Variants in ABCA3 observed in about 807,000 individuals in gnomAD.
ABCA3 encodes ATP binding cassette subfamily A member 3, also known as phospholipid-transporting ATPase ABCA3.
A neutral mutation model predicts 172.8 loss-of-function variants in ABCA3; 88 were observed. That is an observed-to-expected ratio of 0.51 (90% confidence interval 0.43 to 0.61). ABCA3 has a LOEUF of 0.61. Ranked by LOEUF, ABCA3 falls within the 20% of genes least tolerant of loss-of-function variation. The pLI, the probability that ABCA3 is intolerant of heterozygous loss-of-function variation, is 0.00. For synonymous variants in ABCA3, 1,066 were observed against 983.8 expected (o/e 1.08, Z -1.56); for missense variants, 2,164 against 2,301.0 (o/e 0.94, Z 1.22).
chr16:2,303,393 C>G (rs543045129), intron 12 of ABCA3, among the ~76,000 whole-genome samples: 1 of 151,906 alleles, frequency 6.6e-6, no homozygotes, highest in South Asian at 2.1e-4. Flanking sequence ...TCCCGAGTAG[C>G]TGGGACTACA....
chr16:2,317,902 G>GTCCGACTGTCCCAGCAGCCCT, intron 8 of ABCA3, 138 bp from the exon 9 acceptor site: 1 of 745,962 alleles, frequency 1.3e-6, no homozygotes, highest in Non-Finnish European at 2.3e-6. Flanking sequence ...ATGTCGGCCA[G>GTCCGACTGTCCCAGCAGCCCT]GCTCATCTTG....
chr16:2,322,568 C>T (rs1216719082), intron 7 of ABCA3, among the ~76,000 whole-genome samples: 2 of 128,496 alleles, frequency 1.6e-5, no homozygotes, highest in Non-Finnish European at 3.1e-5. Context: ...GTGTGATGTT[C>T]CCCTTCCTGT....
Position 2,283,688 on chromosome 16 carries a change from G to T in ABCA3, c.3863-330C>A. The T allele has an allele frequency of 2.7e-6, 1 of 364,726 alleles. No individual in the cohort carries two copies. 22.6% of individuals were successfully genotyped at this position (364,726 alleles called of 1,614,324 possible). A position where few individuals can be genotyped will look rare whatever the true frequency, so the allele number is the denominator to read the frequency against. On this transcript the variant is annotated intron_variant, in intron 25 of 32. Coordinates refer to ENST00000301732, the MANE Select transcript of ABCA3 (RefSeq NM_001089.3). This position sits in a 1 kb window ranked among gnomAD's most constrained non-coding sequence, Gnocchi z 5.4. ...CCGTTACAAGCACCGAGGGGTGTGT[G>T]GGAGGCTGAGGAGGCCCCACAGGAC... is the stretch of plus-strand genomic sequence containing the variant.
At chr16:2,333,689 CTTTT>C (rs879623326) in intron 1 of ABCA3, among the ~76,000 whole-genome samples, 4 of 138,890 alleles carry the variant, frequency 2.9e-5, no homozygotes, top group African/African-American at 5.4e-5. Flanking sequence ...AAATAACATT[CTTTT>C]TTTTTTTTTT....
At chr16:2,326,980 A>G (rs323055) in intron 3 of ABCA3, among the ~76,000 whole-genome samples, 129,592 of 151,976 alleles carry the variant, frequency 0.85, 58,932 homozygotes, top group East Asian at 1. Flanking sequence ...ACAGAGTAAG[A>G]CTCTGCCACA....
intron 1 of ABCA3, among the ~76,000 whole-genome samples, chr16:2,338,751 CTT>C (rs34719364): frequency 5.8e-5 from 7 of 121,576 alleles, no homozygotes; most frequent in Admixed American, 1.6e-4. Flanking sequence ...TCCAATTCAT[CTT>C]TTTTTTTTTT....
At position 2,288,574 on chromosome 16, in the gene ABCA3, T is replaced by G. The variant is rs2093666851; in HGVS notation, c.2701-245A>C. Among the ~76,000 whole-genome samples, 5 of 152,180 alleles carry G rather than the reference T, an allele frequency of 3.3e-5. No individual in the cohort carries two copies. The South Asian group carries it at 1.0e-3, about 32-fold the overall frequency. ...TGCACGTTGGCACTATTTTATTTTT[T>G]TGAGACAGGGTCACTCTGTCACTGG... On this transcript the variant is annotated intron_variant, in intron 20 of 32. Coordinates refer to ENST00000301732, the MANE Select transcript of ABCA3 (RefSeq NM_001089.3).
chr16:2,306,764 C>G (rs2093698241), intron 11 of ABCA3, among the ~76,000 whole-genome samples: 1 of 152,108 alleles, frequency 6.6e-6, no homozygotes, highest in Non-Finnish European at 1.5e-5. Context: ...GCCTGTAATC[C>G]CAGCACTTTG....
intron 1 of ABCA3, among the ~76,000 whole-genome samples, chr16:2,337,632 C>T (rs1237488688): frequency 1.3e-5 from 2 of 152,044 alleles, no homozygotes; most frequent in East Asian, 1.9e-4. Context: ...GTGATCCTCC[C>T]GCCTTGGCCT....
At chr16:2,307,730 C>T (rs766471342) in intron 11 of ABCA3, among the ~76,000 whole-genome samples, 146 of 152,178 alleles carry the variant, frequency 9.6e-4, no homozygotes, top group Non-Finnish European at 1.8e-3. Context: ...CTCAGCCTCT[C>T]GAGTAGCTGG....
chr16:2,303,146 C>T (rs570847543), intron 12 of ABCA3, among the ~76,000 whole-genome samples: 1 of 152,056 alleles, frequency 6.6e-6, no homozygotes, highest in East Asian at 1.9e-4. Context: ...TCCATCTGTG[C>T]TCTATGACAG....
At chr16:2,304,569 C>T (rs529368887) in intron 11 of ABCA3, among the ~76,000 whole-genome samples, 26 of 140,266 alleles carry the variant, frequency 1.9e-4, no homozygotes, top group African/African-American at 3.8e-4. Context: ...TGCAGTGCTG[C>T]GATCTCGGCT....
chr16:2,319,468 G>C, intron 8 of ABCA3, 113 bp downstream of exon 8: 1 of 1,395,024 alleles, frequency 7.2e-7, no homozygotes, highest in Non-Finnish European at 9.5e-7. Context: ...CTGGGCGACA[G>C]AGCGAGACTC....
In ABCA3 at chr16:2,284,399, C is replaced by T. The variant is rs186401775; in HGVS notation, c.3742G>A (p.Val1248Met). 2.9e-5 allele frequency: 47 copies of T among 1,613,994 alleles called. No homozygotes were observed. In the Middle Eastern group the frequency reaches 5.0e-4, roughly 17 times the overall value. Residue 1248 changes from valine (V) to methionine (M), a missense_variant, in exon 25 of 33, where the codon GTG becomes ATG. Transcript: ENST00000301732. This position sits in a 1 kb window ranked among gnomAD's most constrained non-coding sequence, Gnocchi z 5.9. The stretch of plus-strand genomic sequence containing the variant: ...CAGTGGTTGGGCAGCACCAGGAACA[C>T]GTGATCCAGGGTTTTGGAAAGTTCT... ...LEELSKTLDH[V>M]FLVLPNHCLG...
intron 19 of ABCA3, among the ~76,000 whole-genome samples, chr16:2,290,896 G>A (rs1391813638): frequency 6.6e-6 from 1 of 152,138 alleles, no homozygotes; most frequent in African/African-American, 2.4e-5. Flanking sequence ...TTGACACAGG[G>A]TTTTGCTCTG....
At chr16:2,332,655 C>T (rs917235006) in intron 1 of ABCA3, 2 of 1,602,414 alleles carry the variant, frequency 1.2e-6, no homozygotes, top group African/African-American at 1.3e-5. Context: ...GCCCGTTCAC[C>T]TTGATGAGAC....
At chr16:2,299,946 G>A (rs775426493) in intron 13 of ABCA3, 59 bp downstream of exon 13, 22 of 1,605,132 alleles carry the variant, frequency 1.4e-5, no homozygotes, top group Admixed American at 3.3e-5. Flanking sequence ...TGCCGTGCTG[G>A]TAAGTCTTCC....
At position 2,281,435 on chromosome 16, in the gene ABCA3, G is replaced by A; in HGVS notation, c.4110C>T (p.Ala1370=). The A allele has an allele frequency of 6.2e-7, 1 of 1,613,664 alleles. No homozygotes were observed. The highest frequency in any genetic ancestry group is 8.5e-7 in the Non-Finnish European group (1 of 1,179,986). ...DVADERTRIL[A]PSPDSLLHTP... ...TGTGGAGCAGGGAGTCCGGACTGGG[G>A]GCCAGGATGCGGGTCCTCTCGTCCG... Residue 1370 remains alanine (A), a synonymous_variant, in exon 27 of 33, where the codon GCC becomes GCT. Coordinates refer to ENST00000301732, the MANE Select transcript of ABCA3 (RefSeq NM_001089.3). The surrounding 1 kb of genome is among the most constrained non-coding windows in gnomAD (Gnocchi z 4.7).
chr16:2,288,182 G>T lies in ABCA3; in HGVS notation c.2848C>A (p.Leu950Ile). 1 of 1,605,684 alleles carries T rather than the reference G, an allele frequency of 6.2e-7. No homozygotes were observed. Among genetic ancestry groups the T allele is most frequent in the Non-Finnish European group, 8.5e-7 (1 of 1,175,996 alleles). ...AGCCTCAGCATGGGGTCGTCGAAGA[G>T]CTCCGAGGAGTAGTTGATGGCCAGG... ...ALLAINYSSE[L>I]FDDPMLRLTL... is the part of the protein sequence containing the mutation. The change falls in exon 21 of 33, where the codon CTC becomes ATC. Residue 950 changes from leucine (L) to isoleucine (I), a missense_variant. Transcript: ENST00000301732.
Sources: allele counts gnomAD v4.1 joint callset (sites outside exome capture counted in the v4.1 genomes callset), GRCh38; gene constraint gnomAD v4.1.1; non-coding constraint Gnocchi (gnomAD v3.1); transcripts MANE v1.5; gene names NCBI Gene and HGNC (gene_info 2026-07-23, HGNC 2026-07-21).